DHCR24: variants seen among roughly 807,000 people sequenced by gnomAD.
DHCR24 encodes 24-dehydrocholesterol reductase, also known as delta(24)-sterol reductase.
In DHCR24, 28 loss-of-function variants were observed where a neutral mutation model predicts 61.2. That is an observed-to-expected ratio of 0.46 (90% CI 0.34 to 0.63). The LOEUF (loss-of-function observed/expected upper bound fraction) is 0.63. DHCR24 is among the 20% of genes least tolerant of loss of function. The pLI is 0.01. For synonymous variants in DHCR24, 261 were observed against 275.9 expected (o/e 0.95, Z 0.54); for missense variants, 538 against 679.1 (o/e 0.79, Z 2.31).
At chr1:54,877,005 G>A (rs1361423748) in intron 2 of DHCR24, among the ~76,000 whole-genome samples, 2 of 151,822 alleles carry the variant, frequency 1.3e-5, no homozygotes, top group Non-Finnish European at 2.9e-5. Flanking sequence ...AGGGCTTGCG[G>A]TCACAGGTAG....
intron 5 of DHCR24, among the ~76,000 whole-genome samples, chr1:54,865,678 AGTGAGTCCCCGACAGTCTAG>A (rs1646964372): frequency 6.6e-6 from 1 of 152,164 alleles, no homozygotes; most frequent in South Asian, 2.1e-4. Flanking sequence ...AGGGCCAAAC[AGTGAGTCCCCGACAGTCTAG>A]AGAACTCAGC....
chr1:54,876,968 A>G (rs529279719), intron 2 of DHCR24, among the ~76,000 whole-genome samples: 1 of 151,958 alleles, frequency 6.6e-6, no homozygotes, highest in African/African-American at 2.4e-5. Context: ...TCTGTCCAGG[A>G]AGGCGGGGAC....
rs79622050 is a variant in DHCR24 at position 54,872,940 on chromosome 1, C to T, written c.613-1327G>A. Among the ~76,000 whole-genome samples, 1,213 of 152,284 alleles carry T rather than the reference C, an allele frequency of 8.0e-3. 16 individuals are homozygous for T. The highest frequency in any genetic ancestry group is 0.028 in the African/African-American group (1,143 of 41,544). On this transcript the variant is annotated intron_variant, in intron 4 of 8. Transcript: ENST00000371269. ...AGGAGTCGGGTGGCTCCCTGAAATA[C>T]CCACTTCAACAGGACCAACTGTCCC... is the stretch of plus-strand genomic sequence containing the variant.
rs907426501 is a variant in DHCR24, at chr1:54,856,346, C to T, written c.1021-2112G>A. 8.5e-5 allele frequency among the ~76,000 whole-genome samples: 13 copies of T among 152,244 alleles called. No homozygotes were observed. In the East Asian group the frequency reaches 1.5e-3, roughly 18 times the overall value. ...GGTGCGGTGGCTCATGCCTGTAATC[C>T]CAGCGCTTTGGGAGGCTGAGCGGGC... On this transcript the variant is annotated intron_variant, in intron 6 of 8. Transcript: ENST00000371269.
intron 3 of DHCR24, 104 bp from the exon 4 acceptor site, chr1:54,875,315 C>T: frequency 1.0e-6 from 1 of 977,286 alleles, no homozygotes; most frequent in East Asian, 2.4e-5. Context: ...GTTTGGCAGG[C>T]TAGCAGAAAT....
At chr1:54,866,905 A>G (rs1254677588) in intron 5 of DHCR24, among the ~76,000 whole-genome samples, 1 of 152,248 alleles carries the variant, frequency 6.6e-6, no homozygotes, top group African/African-American at 2.4e-5. Flanking sequence ...TAATGTGAAC[A>G]GGGGAACCCA....
chr1:54,869,249 T>C (rs370063509), intron 5 of DHCR24, among the ~76,000 whole-genome samples: 3 of 152,280 alleles, frequency 2.0e-5, no homozygotes, highest in East Asian at 1.9e-4. Context: ...GTGATCCTAT[T>C]TAGTGTTGGC....
chr1:54,869,738 C>A (rs1300585172), intron 5 of DHCR24, among the ~76,000 whole-genome samples: 6 of 151,852 alleles, frequency 4.0e-5, no homozygotes, highest in Non-Finnish European at 7.4e-5. Flanking sequence ...CCCATCCCTA[C>A]AAAAAAATTT....
rs993637787 is a variant in DHCR24, at chr1:54,886,948, A to C, written c.172T>G (p.Phe58Val). The change falls in exon 1 of 9, where the codon TTC (phenylalanine) becomes GTC (valine). Residue 58 changes from phenylalanine to valine, a missense_variant. Physicochemically the swap from Phe to Val is conservative, Grantham distance 50. Transcript: ENST00000371269. ...IYYYVRAWVV[F>V]KLSSAPRLHE... ...AGGCGCGGAGCGCTGCTGAGCTTGA[A>C]CACCACCCAGGCGCGCACGTAGTAG... is the stretch of plus-strand genomic sequence containing the variant. 2.5e-6 allele frequency: 4 copies of C among 1,613,482 alleles called. No individual in the cohort carries two copies. The highest frequency in any genetic ancestry group is 1.3e-5 in the African/African-American group (1 of 74,902).
At chr1:54,869,223 T>C (rs1405424723) in intron 5 of DHCR24, among the ~76,000 whole-genome samples, 1 of 152,206 alleles carries the variant, frequency 6.6e-6, no homozygotes, top group Non-Finnish European at 1.5e-5. Context: ...GCTATCAGAT[T>C]GGCAAAAATG....
In DHCR24 at chr1:54,860,994, G is replaced by GAA. The variant is rs10547670; in HGVS notation, c.1020+4307_1020+4308dup. 2.3e-3 allele frequency among the ~76,000 whole-genome samples: 334 copies of GAA among 143,590 alleles called. 8 individuals are homozygous for GAA. The East Asian group carries it at 0.043, about 19-fold the overall frequency. 94.2% of individuals were successfully genotyped at this position (143,590 alleles called of 152,430 possible). A position where few individuals can be genotyped will look rare whatever the true frequency, so the allele number is the denominator to read the frequency against. On this transcript the variant is annotated intron_variant, in intron 6 of 8. Transcript: ENST00000371269. ...CAGAGCGAGACTTCATCTCAAAAAA[G>GAA]AAAAAAAAAAAAAAAAACTTTTGGT...
At chr1:54,881,278 C>T (rs891442630) in intron 2 of DHCR24, among the ~76,000 whole-genome samples, 1 of 152,022 alleles carries the variant, frequency 6.6e-6, no homozygotes, top group African/African-American at 2.4e-5. Flanking sequence ...CAATAAGGAA[C>T]TTAAACAAAC....
chr1:54,865,722 C>G (rs1646964637), intron 5 of DHCR24, among the ~76,000 whole-genome samples: 1 of 152,204 alleles, frequency 6.6e-6, no homozygotes, highest in African/African-American at 2.4e-5. Flanking sequence ...CCCGCCTAGC[C>G]TGGTGCAAGT....
chr1:54,869,578 C>A (rs1646985732), intron 5 of DHCR24, among the ~76,000 whole-genome samples: 1 of 119,564 alleles, frequency 8.4e-6, no homozygotes, highest in East Asian at 2.1e-4. Flanking sequence ...AAGACATGCA[C>A]ACATACATAT....
intron 4 of DHCR24, among the ~76,000 whole-genome samples, chr1:54,874,449 C>T (rs374937242): frequency 9.8e-5 from 15 of 152,314 alleles, no homozygotes; most frequent in African/African-American, 3.6e-4. Flanking sequence ...GTATTGAGCA[C>T]AGTACCATGC....
intron 6 of DHCR24, among the ~76,000 whole-genome samples, chr1:54,860,611 G>A (rs964987225): frequency 2.0e-5 from 3 of 152,176 alleles, no homozygotes; most frequent in African/African-American, 4.8e-5. Flanking sequence ...TCACTAGAGT[G>A]TGGATCACTG....
rs77923238 is a variant in DHCR24, at chr1:54,877,127, G to A, written c.388-1080C>T. On this transcript the variant is annotated intron_variant, in intron 2 of 8. Transcript: ENST00000371269. ...AGAGGGATGACTTTGAATAGAATGCGGAAGCAGGTTTGTCCTGAGCAGTTC... is the reference window on the plus strand; with the variant it reads ...AGAGGGATGACTTTGAATAGAATGCAGAAGCAGGTTTGTCCTGAGCAGTTC... Among the ~76,000 whole-genome samples, 1,190 of 151,902 alleles carry A rather than the reference G, an allele frequency of 7.8e-3. 30 individuals are homozygous for A. The highest frequency in any genetic ancestry group is 0.026 in the African/African-American group (1,088 of 41,426).
chr1:54,856,102 T>G (rs1189132796), intron 6 of DHCR24, among the ~76,000 whole-genome samples: 1 of 152,212 alleles, frequency 6.6e-6, no homozygotes, highest in Non-Finnish European at 1.5e-5. Flanking sequence ...GTATCCTGTA[T>G]CAATACAGAG....
chr1:54,853,966 G>T, intron 7 of DHCR24, 71 bp downstream of exon 7: 1 of 1,471,646 alleles, frequency 6.8e-7, no homozygotes, highest in South Asian at 1.2e-5. Flanking sequence ...TCGGTCACAC[G>T]GTTCAGGGGA....
Sources: gnomAD v4.1 joint callset for allele counts (sites outside exome capture counted in the v4.1 genomes callset) on GRCh38, gnomAD v4.1.1 for gene constraint, MANE v1.5 for transcripts, NCBI Gene and HGNC (gene_info 2026-07-23, HGNC 2026-07-21) for gene names.